ATP1A4: variants seen among roughly 807,000 people sequenced by gnomAD.
The protein encoded by ATP1A4 is sodium/potassium-transporting ATPase subunit alpha-4.
In ATP1A4, 90 loss-of-function variants were observed where a neutral mutation model predicts 114.3. That is an observed-to-expected ratio of 0.79 (90% CI 0.66 to 0.94). The LOEUF (loss-of-function observed/expected upper bound fraction) is 0.94. Among genes scored for constraint, ATP1A4 ranks in the 40% least tolerant of loss-of-function variants. ATP1A4 has a pLI of 0.00. For missense variants in ATP1A4, 1,222 were observed against 1,313.6 expected (o/e 0.93, Z 1.08); for synonymous variants, 511 against 494.1 (o/e 1.03, Z -0.45).
chr1:160,171,096 T>C (rs1202164), intron 10 of ATP1A4, 155 bp from the exon 11 acceptor site: 636,741 of 637,206 alleles, frequency 1, 318,140 homozygotes, highest in Middle Eastern at 1. Context: ...AGGGGCTGGG[T>C]TCAACCTGGG....
intron 10 of ATP1A4, 90 bp from the exon 11 acceptor site, chr1:160,171,161 T>A (rs1240962549): frequency 1.6e-6 from 2 of 1,214,610 alleles, no homozygotes; most frequent in Non-Finnish European, 2.2e-6. Flanking sequence ...ATGAAACACA[T>A]TTTTTTACCT....
chr1:160,178,266 A>G (rs2101652634), intron 18 of ATP1A4, among the ~76,000 whole-genome samples: 1 of 152,254 alleles, frequency 6.6e-6, no homozygotes, highest in East Asian at 1.9e-4. Flanking sequence ...GAGTCAGGAG[A>G]ATCACTTGAA....
chr1:160,164,858 A>G (rs1652977561), intron 7 of ATP1A4, among the ~76,000 whole-genome samples: 1 of 152,206 alleles, frequency 6.6e-6, no homozygotes, highest in South Asian at 2.1e-4. Context: ...GATGATTATT[A>G]TTTCTATTAA....
chr1:160,172,935 A>G (rs965350343), intron 12 of ATP1A4, among the ~76,000 whole-genome samples: 1 of 152,246 alleles, frequency 6.6e-6, no homozygotes, highest in Non-Finnish European at 1.5e-5. Context: ...AAACTTTACA[A>G]GGAAGCCACC....
intron 15 of ATP1A4, among the ~76,000 whole-genome samples, chr1:160,175,544 A>C (rs1455910548): frequency 6.6e-6 from 1 of 151,966 alleles, no homozygotes; most frequent in Non-Finnish European, 1.5e-5. Context: ...ACAAACAATA[A>C]AATAATTAAA....
chr1:160,158,090 C>A (rs4656886), intron 4 of ATP1A4, among the ~76,000 whole-genome samples: 1 of 151,930 alleles, frequency 6.6e-6, no homozygotes, highest in Non-Finnish European at 1.5e-5. Flanking sequence ...GGAGTTTAGG[C>A]ATGGTCGGTT....
rs1653528256 is a variant in ATP1A4, at chr1:160,177,678, A to C, written c.2736+14A>C. 1 of 1,613,988 alleles carries C rather than the reference A, an allele frequency of 6.2e-7. No individual in the cohort carries two copies. The highest frequency in any genetic ancestry group is 8.5e-7 in the Non-Finnish European group (1 of 1,179,894). On this transcript the variant is annotated intron_variant, in intron 18 of 21. Coordinates refer to ENST00000368081, the MANE Select transcript of ATP1A4 (RefSeq NM_144699.4). Reference sequence around the variant, plus strand: ...GGACAGCAGTGGGTGAGTAGAAGGGATAAGGTAGGAGCTGAGACCAGTAAG... The same window carrying C: ...GGACAGCAGTGGGTGAGTAGAAGGGCTAAGGTAGGAGCTGAGACCAGTAAG...
intron 18 of ATP1A4, among the ~76,000 whole-genome samples, chr1:160,180,826 C>T (rs1026018023): frequency 8.6e-5 from 13 of 150,700 alleles, no homozygotes; most frequent in South Asian, 6.3e-4. Context: ...ACCATTCTCT[C>T]GCCTCAGCCT....
In ATP1A4 at chr1:160,182,892, C is replaced by G. The variant is rs1208635983; in HGVS notation, c.2969+861C>G. 2.0e-5 allele frequency: 3 copies of G among 152,126 alleles called. 1 individual carries two copies. Among genetic ancestry groups the G allele is most frequent in the Admixed American group, 2.0e-4 (3 of 15,266 alleles). 9.4% of individuals were successfully genotyped at this position (152,126 alleles called of 1,614,324 possible). On this transcript the variant is annotated intron_variant, in intron 20 of 21. Transcript: ENST00000368081. ...TTCACCATGTTGGCCAGGATGGTCTCGAACTCCTGACCTCAGGTGATCCAC... is the reference window on the plus strand; with the variant it reads ...TTCACCATGTTGGCCAGGATGGTCTGGAACTCCTGACCTCAGGTGATCCAC...
chr1:160,159,722 C>T (rs1204147963), intron 6 of ATP1A4, among the ~76,000 whole-genome samples, 196 bp downstream of exon 6: 1 of 152,160 alleles, frequency 6.6e-6, no homozygotes, highest in Non-Finnish European at 1.5e-5. Flanking sequence ...CAGTAAAAGT[C>T]GTTACTCTGT....
chr1:160,153,784 G>A (rs1652540329), intron 2 of ATP1A4, among the ~76,000 whole-genome samples: 1 of 152,140 alleles, frequency 6.6e-6, no homozygotes. Context: ...CTGTTGTGAT[G>A]TTATGCCAGT....
rs1294246378 is a variant in ATP1A4 at position 160,167,324 on chromosome 1, T to C, written c.1403T>C (p.Ile468Thr). Reference protein sequence around the residue: ...DASESALLKFIEQSYSSVAEM... With the variant: ...DASESALLKFTEQSYSSVAEM... Reference sequence around the variant, plus strand: ...TCCGAGTCAGCCCTCCTCAAGTTCATCGAGCAGTCTTACAGCTCTGTGGCG... The same window carrying C: ...TCCGAGTCAGCCCTCCTCAAGTTCACCGAGCAGTCTTACAGCTCTGTGGCG... The change falls in exon 10 of 22, where the codon ATC (isoleucine) becomes ACC (threonine). Residue 468 changes from isoleucine (I) to threonine (T), a missense_variant. By Grantham distance (89) the Ile-to-Thr change is moderately conservative (BLOSUM62 -1). Coordinates refer to ENST00000368081, the MANE Select transcript of ATP1A4 (RefSeq NM_144699.4). 1 of 1,609,574 alleles carries C rather than the reference T, an allele frequency of 6.2e-7. No individual in the cohort carries two copies. The highest frequency in any genetic ancestry group is 1.1e-5 in the South Asian group (1 of 90,740).
intron 13 of ATP1A4, 122 bp from the exon 14 acceptor site, chr1:160,173,989 A>C (rs1653358866): frequency 7.9e-7 from 1 of 1,267,108 alleles, no homozygotes; most frequent in South Asian, 1.5e-5. Flanking sequence ...ATATAGGGCT[A>C]GGGACAAGTG....
rs139977824 is a variant in ATP1A4 at position 160,174,413 on chromosome 1, T to G, written c.2142+152T>G. On this transcript the variant is annotated intron_variant, in intron 14 of 21. Transcript: ENST00000368081. ...TCCATGGTGGCCTTCAGTTTGGGGC[T>G]CCCTGAAAGTTTAAATATCTCAGGA... is the stretch of plus-strand genomic sequence containing the variant. The G allele has an allele frequency of 2.2e-5, 32 of 1,424,006 alleles. No homozygotes were observed. In the South Asian group the frequency reaches 4.3e-4, roughly 19 times the overall value. The allele number at this position is 1,424,006 out of a possible 1,614,324, so 88.2% of individuals were successfully genotyped here.
intron 8 of ATP1A4, 97 bp downstream of exon 8, chr1:160,166,823 C>T: frequency 6.5e-7 from 1 of 1,548,584 alleles, no homozygotes; most frequent in South Asian, 1.2e-5. Flanking sequence ...CAGGAGGGAG[C>T]CTGAAAGTGG....
In ATP1A4 at chr1:160,181,669, C is replaced by T; in HGVS notation, c.2737-15C>T. The T allele has an allele frequency of 6.2e-7, 1 of 1,613,898 alleles. No individual in the cohort carries two copies. The highest frequency in any genetic ancestry group is 1.1e-5 in the South Asian group (1 of 91,022). On this transcript the variant is annotated splice_polypyrimidine_tract_variant and intron_variant, in intron 18 of 21. Coordinates refer to ENST00000368081, the MANE Select transcript of ATP1A4 (RefSeq NM_144699.4). The stretch of plus-strand genomic sequence containing the variant: ...CCCCTTCTGACACTGTTTCCTCTCT[C>T]CCTGCTGTCTCTAGACCTATGAGCA...
intron 5 of ATP1A4, 102 bp from the exon 6 acceptor site, chr1:160,159,307 C>A: frequency 7.4e-7 from 1 of 1,347,216 alleles, no homozygotes; most frequent in Non-Finnish European, 1.0e-6. Flanking sequence ...CTCAGTCTGT[C>A]AGTGATGATG....
At chr1:160,174,553 C>T (rs369674431) in intron 14 of ATP1A4, 26 bp from the exon 15 acceptor site, 54 of 1,604,724 alleles carry the variant, frequency 3.4e-5, no homozygotes, top group Non-Finnish European at 4.6e-5. Context: ...ATAAATTGTT[C>T]ACTCTCTCTG....
At chr1:160,155,514 C>T (rs1170336159) in intron 3 of ATP1A4, among the ~76,000 whole-genome samples, 2 of 151,928 alleles carry the variant, frequency 1.3e-5, no homozygotes, top group African/African-American at 4.8e-5. Context: ...ATGTACATTA[C>T]ATAATAATGT....
Sources: allele counts gnomAD v4.1 joint callset (sites outside exome capture counted in the v4.1 genomes callset), GRCh38; gene constraint gnomAD v4.1.1; transcripts MANE v1.5; gene names NCBI Gene and HGNC (gene_info 2026-07-23, HGNC 2026-07-21).